The following RYR3 variants were observed in gnomAD, a reference collection of about 807,000 sequenced individuals.
RYR3 encodes ryanodine receptor 3, also known as brain ryanodine receptor-calcium release channel.
Under a neutral mutation model 584.3 loss-of-function variants are expected in RYR3, and 207 were observed. The observed-to-expected ratio is 0.35, with a 90% CI of 0.32 to 0.40. The LOEUF (loss-of-function observed/expected upper bound fraction) is 0.40, where lower values mean the gene tolerates loss of function less well. Ranked by LOEUF, RYR3 falls within the 10% of genes least tolerant of loss-of-function variation. RYR3 has a pLI of 1.00. For synonymous variants in RYR3, 2,416 were observed against 2,248.5 expected (o/e 1.07, Z -2.11); for missense variants, 5,616 against 6,089.2 (o/e 0.92, Z 2.59).
chr15:33,585,288 C>T (rs928394823), intron 15 of RYR3, among the ~76,000 whole-genome samples: 1 of 152,084 alleles, frequency 6.6e-6, no homozygotes, highest in African/African-American at 2.4e-5. Context: ...CTTATGAAAA[C>T]ATTGAGAAAA....
intron 10 of RYR3, among the ~76,000 whole-genome samples, chr15:33,555,064 T>C (rs1443116955): frequency 1.3e-5 from 2 of 152,206 alleles, no homozygotes; most frequent in African/African-American, 4.8e-5. Context: ...CTGTTCCCAA[T>C]TAGAGGAAAT....
rs2079268449 is a variant in RYR3 at position 33,853,049 on chromosome 15, T to C, written c.13633T>C (p.Phe4545Leu). ...CTTTTTCGTTTTGTTTTTCAGATCT[T>C]TTCCTAATAACTACTGGGACAAGTT... ...WDRLVINTPS[F>L]PNNYWDKFVK... The change falls in exon 95 of 104, where the codon TTT becomes CTT. Residue 4545 changes from phenylalanine (F) to leucine (L), a missense_variant. Phe to Leu is a conservative substitution (Grantham distance 22). This residue lies in a region of RYR3 where 918 missense variants were observed against 887.4 expected (regional missense o/e 1.03). Transcript: ENST00000634891. The C allele has an allele frequency of 6.2e-7, 1 of 1,606,888 alleles. No individual in the cohort carries two copies. Among genetic ancestry groups the C allele is most frequent in the Admixed American group, 1.7e-5 (1 of 58,912 alleles).
At chr15:33,477,435 C>T (rs1208647937) in intron 2 of RYR3, among the ~76,000 whole-genome samples, 1 of 151,834 alleles carries the variant, frequency 6.6e-6, no homozygotes, top group East Asian at 1.9e-4. Context: ...GGGAAGTCTC[C>T]CAGGACTTTG....
At chr15:33,401,934 A>AT (rs2042703208) in intron 1 of RYR3, among the ~76,000 whole-genome samples, 1 of 152,196 alleles carries the variant, frequency 6.6e-6, no homozygotes, top group Non-Finnish European at 1.5e-5. Flanking sequence ...TTGAGTACAT[A>AT]TTAATTTCAA....
chr15:33,825,763 G>C (rs905469434), intron 82 of RYR3, 87 bp downstream of exon 82: 1 of 793,774 alleles, frequency 1.3e-6, no homozygotes, highest in African/African-American at 2.2e-5. Flanking sequence ...ACAGAGTTTC[G>C]CTCTTGTTGC....
At position 33,580,808 on chromosome 15, in the gene RYR3, T is replaced by C. The variant is rs562218487; in HGVS notation, c.1437+664T>C. On this transcript the variant is annotated intron_variant, in intron 13 of 103. Coordinates refer to ENST00000634891, the MANE Select transcript of RYR3 (RefSeq NM_001036.6). The stretch of plus-strand genomic sequence containing the variant: ...GTCCCTTGGGCATTTCCAAAGTTAG[T>C]GGTGTGGGATGTAAACCATCCCAGC... Among the ~76,000 whole-genome samples the C allele has an allele frequency of 1.7e-4, 26 of 152,258 alleles. 2 individuals are homozygous for C. Among genetic ancestry groups the C allele is most frequent in the Admixed American group, 1.6e-3 (25 of 15,294 alleles).
At chr15:33,755,776 C>CT (rs1008964976) in intron 58 of RYR3, among the ~76,000 whole-genome samples, 3 of 151,970 alleles carry the variant, frequency 2.0e-5, no homozygotes, top group African/African-American at 7.2e-5. Context: ...TGCTTTCTTT[C>CT]TTTTTTTTCT....
rs535914433 is a variant in RYR3, at chr15:33,623,763, G to T, written c.2358-44G>T. On this transcript the variant is annotated intron_variant, in intron 19 of 103. Transcript: ENST00000634891. ...AATTTTCACTTATTTGGGCTGCATT[G>T]TTTTTTTTTTAACCTCTGTATTTCT... The T allele has an allele frequency of 1.1e-3, 1,407 of 1,234,984 alleles. 1 individual carries two copies. Among genetic ancestry groups the T allele is most frequent in the Non-Finnish European group, 1.4e-3 (1,226 of 869,276 alleles). The allele number at this position is 1,234,984 out of a possible 1,614,324, so 76.5% of individuals were successfully genotyped here. A position where few individuals can be genotyped will look rare whatever the true frequency, so the allele number is the denominator to read the frequency against.
At chr15:33,488,260 G>T (rs1263855179) in intron 2 of RYR3, among the ~76,000 whole-genome samples, 1 of 152,152 alleles carries the variant, frequency 6.6e-6, no homozygotes, top group Non-Finnish European at 1.5e-5. Context: ...CTGTTCATTT[G>T]TCATTTACTT....
intron 10 of RYR3, among the ~76,000 whole-genome samples, chr15:33,554,701 G>C (rs1025990167): frequency 6.6e-6 from 1 of 152,092 alleles, no homozygotes; most frequent in African/African-American, 2.4e-5. Context: ...ATTTTATTTT[G>C]AACATCTAAG....
At position 33,807,692 on chromosome 15, in the gene RYR3, C is replaced by G; in HGVS notation, c.10026+123C>G. On this transcript the variant is annotated intron_variant, in intron 70 of 103. Transcript: ENST00000634891. ...AATGGATTTTCCCGCCTGGAGGTCC[C>G]CCAGGCCTGCTCCAGGGAAGACAAC... is the stretch of plus-strand genomic sequence containing the variant. The G allele has an allele frequency of 3.2e-6, 3 of 931,188 alleles. No homozygotes were observed. The East Asian group carries it at 7.9e-5, about 25-fold the overall frequency. 57.7% of individuals were successfully genotyped at this position (931,188 alleles called of 1,614,324 possible).
intron 12 of RYR3, among the ~76,000 whole-genome samples, chr15:33,572,676 C>CAA (rs2058092248): frequency 1.4e-5 from 2 of 141,688 alleles, no homozygotes; most frequent in African/African-American, 2.5e-5. Flanking sequence ...CACACACACA[C>CAA]ACACACACAC....
intron 102 of RYR3, among the ~76,000 whole-genome samples, chr15:33,862,962 C>T (rs1355954795): frequency 6.6e-6 from 1 of 152,220 alleles, no homozygotes; most frequent in East Asian, 1.9e-4. Flanking sequence ...TGCCCTTCCT[C>T]ATGAGTATTT....
At chr15:33,326,309 G>A (rs4780107) in intron 1 of RYR3, among the ~76,000 whole-genome samples, 74,002 of 151,966 alleles carry the variant, frequency 0.49, 19,313 homozygotes, top group African/African-American at 0.68. Context: ...CATTCATCCA[G>A]CAAGCATTTG....
chr15:33,732,030 G>A (rs2068997547), intron 48 of RYR3, among the ~76,000 whole-genome samples: 1 of 152,144 alleles, frequency 6.6e-6, no homozygotes, highest in Non-Finnish European at 1.5e-5. Flanking sequence ...AGAAGCAGAT[G>A]TGTCTGTCCT....
chr15:33,771,776 A>G, intron 62 of RYR3, 144 bp from the exon 63 acceptor site: 1 of 639,852 alleles, frequency 1.6e-6, no homozygotes, highest in East Asian at 2.7e-5. Context: ...CTGGATGTTA[A>G]CTGCTCTCTC....
intron 1 of RYR3, among the ~76,000 whole-genome samples, chr15:33,428,719 T>C (rs2044863251): frequency 8.2e-6 from 1 of 122,220 alleles, no homozygotes; most frequent in Admixed American, 8.4e-5. Context: ...CCAATTAAGT[T>C]AGAGGATTTT....
At chr15:33,413,076 CTCT>C (rs1389180410) in intron 1 of RYR3, among the ~76,000 whole-genome samples, 1 of 152,152 alleles carries the variant, frequency 6.6e-6, no homozygotes, top group Non-Finnish European at 1.5e-5. Context: ...TAAAATGGCT[CTCT>C]TCTTTTGAAG....
intron 60 of RYR3, among the ~76,000 whole-genome samples, chr15:33,758,221 G>A (rs144910485): frequency 0.012 from 1,793 of 152,264 alleles, 28 homozygotes; most frequent in African/African-American, 0.041. Flanking sequence ...GTGGCCGTTC[G>A]GGCAGACACT....
Sources: gnomAD v4.1 joint callset for allele counts (sites outside exome capture counted in the v4.1 genomes callset) on GRCh38, gnomAD v4.1.1 for gene constraint, gnomAD v4.1.1 regional missense constraint, MANE v1.5 for transcripts, NCBI Gene and HGNC (gene_info 2026-07-23, HGNC 2026-07-21) for gene names.